TCF4: variants seen among roughly 807,000 people sequenced by gnomAD.
TCF4 encodes transcription factor 4.
In TCF4, 3 loss-of-function variants were observed where a neutral mutation model predicts 82.1. The observed-to-expected ratio is 0.04, with a 90% CI of 0.02 to 0.09. The LOEUF (loss-of-function observed/expected upper bound fraction) is 0.09, where lower values mean the gene tolerates loss of function less well. TCF4 is among the 10% of genes least tolerant of loss of function. The probability of loss-of-function intolerance (pLI) is 1.00; values close to 1 mark genes in which losing one functional copy is unlikely to be tolerated. For synonymous variants in TCF4, 276 were observed against 309.6 expected (o/e 0.89, Z 1.14); for missense variants, 518 against 852.7 (o/e 0.61, Z 4.89).
At chr18:55,375,888 T>C (rs1012439365) in intron 6 of TCF4, among the ~76,000 whole-genome samples, 3 of 152,074 alleles carry the variant, frequency 2.0e-5, no homozygotes, top group Non-Finnish European at 4.4e-5. Flanking sequence ...TTCTCCTAAG[T>C]AGAAAGGTTC....
Position 55,293,473 on chromosome 18 carries a change from T to C in TCF4, c.550-13817A>G, listed in dbSNP as rs567158374. 9.2e-5 allele frequency among the ~76,000 whole-genome samples: 14 copies of C among 152,166 alleles called. No individual in the cohort carries two copies. In the East Asian group the frequency reaches 2.5e-3, roughly 27 times the overall value. ...TATGATTTTTCCCTCATTGCCAAAA[T>C]GTCTTAAGAGAGCCAAATGGCTATA... is the stretch of plus-strand genomic sequence containing the variant. On this transcript the variant is annotated intron_variant, in intron 8 of 19. Transcript: ENST00000354452.
chr18:55,390,682 TTA>T (rs2093012630), intron 6 of TCF4, among the ~76,000 whole-genome samples: 1 of 152,192 alleles, frequency 6.6e-6, no homozygotes, highest in Admixed American at 6.6e-5. Context: ...GAAAGGTACA[TTA>T]TAAAATTTTA....
chr18:55,354,958 T>G (rs1211037305), intron 6 of TCF4, among the ~76,000 whole-genome samples: 1 of 152,190 alleles, frequency 6.6e-6, no homozygotes, highest in African/African-American at 2.4e-5. Flanking sequence ...CTTGGGGGGA[T>G]GTTGCAGAAC....
intron 1 of TCF4, among the ~76,000 whole-genome samples, chr18:55,634,443 CTT>C (rs2148009480): frequency 6.6e-6 from 1 of 151,860 alleles, no homozygotes; most frequent in South Asian, 2.1e-4. Flanking sequence ...GTTTTAGAAA[CTT>C]ATCCAAGTTA....
At chr18:55,453,733 G>C (rs1262016502) in intron 5 of TCF4, among the ~76,000 whole-genome samples, 1 of 151,728 alleles carries the variant, frequency 6.6e-6, no homozygotes, top group Non-Finnish European at 1.5e-5. Context: ...CTGGACAAAA[G>C]GAAATCAGTT....
chr18:55,517,223 C>G (rs1189391735), intron 3 of TCF4, among the ~76,000 whole-genome samples: 1 of 152,136 alleles, frequency 6.6e-6, no homozygotes, highest in Non-Finnish European at 1.5e-5. Context: ...ATGATGTAAG[C>G]AGAGACTTAA....
intron 2 of TCF4, among the ~76,000 whole-genome samples, chr18:55,619,222 G>A (rs898427019): frequency 6.6e-6 from 1 of 151,998 alleles, no homozygotes; most frequent in Non-Finnish European, 1.5e-5. Context: ...ATATACAGGG[G>A]TGTTCAGATC....
chr18:55,474,924 G>C (rs956246012), intron 3 of TCF4, among the ~76,000 whole-genome samples: 8 of 152,020 alleles, frequency 5.3e-5, no homozygotes, highest in Non-Finnish European at 1.0e-4. Flanking sequence ...GCCACACCAG[G>C]CTAATTTTAA....
intron 8 of TCF4, among the ~76,000 whole-genome samples, chr18:55,280,481 A>G (rs886900506): frequency 2.6e-5 from 4 of 152,142 alleles, no homozygotes; most frequent in African/African-American, 9.7e-5. Context: ...AAAAGCACAA[A>G]TTCATAAGGT....
chr18:55,605,336 G>A (rs557672073), intron 2 of TCF4, among the ~76,000 whole-genome samples: 9 of 152,328 alleles, frequency 5.9e-5, no homozygotes, highest in Non-Finnish European at 1.2e-4. Flanking sequence ...GGCCTGTAAC[G>A]AAACTTGGTC....
At chr18:55,588,323 G>A (rs537246823), upstream of TCF4, 58 of 1,474,098 alleles carry the variant, frequency 3.9e-5, no homozygotes, top group Admixed American at 4.7e-5. Flanking sequence ...AGAAATGGGT[G>A]GGGGGGCTCC....
At chr18:55,529,790 C>T (rs1257566637) in intron 3 of TCF4, among the ~76,000 whole-genome samples, 1 of 152,128 alleles carries the variant, frequency 6.6e-6, no homozygotes, top group Non-Finnish European at 1.5e-5. Context: ...AGGAGCCTGT[C>T]ACTAGCACAC....
chr18:55,259,911 A>T, intron 13 of TCF4, 38 bp downstream of exon 13: 1 of 1,543,482 alleles, frequency 6.5e-7, no homozygotes, highest in African/African-American at 1.4e-5. Flanking sequence ...CATTCTTATA[A>T]ACTGTTATAT....
intron 6 of TCF4, among the ~76,000 whole-genome samples, chr18:55,402,643 A>G (rs1396216250): frequency 2.6e-5 from 4 of 152,322 alleles, no homozygotes; most frequent in East Asian, 3.9e-4. Flanking sequence ...TTTAAAAAAG[A>G]TTTTAAATAC....
At chr18:55,293,930 A>AATT (rs1568769774) in intron 8 of TCF4, among the ~76,000 whole-genome samples, 2 of 22,670 alleles carry the variant, frequency 8.8e-5, no homozygotes, top group Admixed American at 7.1e-4. Flanking sequence ...CTTTCCAAGG[A>AATT]CTTTTTTTTT....
chr18:55,536,991 G>A (rs577684843), intron 3 of TCF4, among the ~76,000 whole-genome samples: 21 of 152,108 alleles, frequency 1.4e-4, no homozygotes, highest in Admixed American at 5.2e-4. Context: ...AAAATTAGCC[G>A]GGTGTGGTGG....
At chr18:55,455,529 G>GAAAA (rs201720174) in intron 5 of TCF4, among the ~76,000 whole-genome samples, 44 of 116,882 alleles carry the variant, frequency 3.8e-4, no homozygotes, top group African/African-American at 1.3e-3. Context: ...GGTGTTATTG[G>GAAAA]AAAAAAAAAA....
intron 5 of TCF4, among the ~76,000 whole-genome samples, chr18:55,406,113 G>A (rs919808650): frequency 6.8e-6 from 1 of 147,804 alleles, no homozygotes; most frequent in Non-Finnish European, 1.5e-5. Flanking sequence ...CCAGCAGGAG[G>A]CTGGGAGGTG....
At chr18:55,426,112 TATATATAC>T (rs1328206269) in intron 5 of TCF4, among the ~76,000 whole-genome samples, 29 of 130,728 alleles carry the variant, frequency 2.2e-4, no homozygotes, top group African/African-American at 8.1e-4. Context: ...TATATATATA[TATATATAC>T]ACACACACAC....
Sources: allele counts gnomAD v4.1 joint callset (sites outside exome capture counted in the v4.1 genomes callset), GRCh38; gene constraint gnomAD v4.1.1; transcripts MANE v1.5; gene names NCBI Gene and HGNC (gene_info 2026-07-23, HGNC 2026-07-21).